The following PCDHGB5 variants were observed in gnomAD, a reference collection of about 807,000 sequenced individuals.
The protein encoded by PCDHGB5 is protocadherin gamma-B5.
PCDHGB5 carries 48 observed loss-of-function variants against 62.9 expected under a neutral mutation model. That is an observed-to-expected ratio of 0.76 (90% CI 0.61 to 0.97). PCDHGB5 has a LOEUF of 0.97. PCDHGB5 is among the 50% of genes least tolerant of loss of function. PCDHGB5 has a pLI of 0.00. For missense variants in PCDHGB5, 1,118 were observed against 1,198.6 expected (o/e 0.93, Z 0.99); for synonymous variants, 474 against 511.2 (o/e 0.93, Z 0.98).
intron 3 of PCDHGB5, among the ~76,000 whole-genome samples, chr5:141,508,616 G>T (rs1007206932): frequency 6.6e-6 from 1 of 152,114 alleles, no homozygotes; most frequent in African/African-American, 2.4e-5. Flanking sequence ...ATAGGACGTG[G>T]GTGGGCCGAG....
chr5:141,492,846 A>G (rs1404624093), intron 1 of PCDHGB5, among the ~76,000 whole-genome samples: 1 of 152,184 alleles, frequency 6.6e-6, no homozygotes, highest in African/African-American at 2.4e-5. Flanking sequence ...AGGAAGTGAA[A>G]GCCTCGAGCG....
chr5:141,476,070 C>T lies in PCDHGB5; in HGVS notation c.2398-18737C>T. ...CCCGCTGAAAGTTTCTCAGCGAAAT[C>T]TCAGGGACGATCTGGACCCCGCTGA... is the stretch of plus-strand genomic sequence containing the variant. On this transcript the variant is annotated intron_variant, in intron 1 of 3. Transcript: ENST00000617380. This position sits in a 1 kb window ranked among gnomAD's most constrained non-coding sequence, Gnocchi z 7.6. 6.6e-7 allele frequency: 1 copy of T among 1,522,382 alleles called. No individual in the cohort carries two copies. The highest frequency in any genetic ancestry group is 1.3e-5 in the South Asian group (1 of 77,762). 94.3% of individuals were successfully genotyped at this position (1,522,382 alleles called of 1,614,324 possible). A position where few individuals can be genotyped will look rare whatever the true frequency, so the allele number is the denominator to read the frequency against.
At chr5:141,481,587 G>A (rs1276529821) in intron 1 of PCDHGB5, among the ~76,000 whole-genome samples, 1 of 152,198 alleles carries the variant, frequency 6.6e-6, no homozygotes, top group African/African-American at 2.4e-5. Context: ...GGAGGCTGAG[G>A]CCAGCGGATC....
At chr5:141,423,470 A>G in intron 1 of PCDHGB5, 1 of 1,614,002 alleles carries the variant, frequency 6.2e-7, no homozygotes, top group Non-Finnish European at 8.5e-7. Context: ...GACGGGGTAC[A>G]GGCTTTCCTG....
intron 1 of PCDHGB5, chr5:141,423,848 G>A: frequency 1.6e-6 from 2 of 1,277,462 alleles, no homozygotes; most frequent in Non-Finnish European, 2.0e-6. Flanking sequence ...TAATCTTTCA[G>A]AACGTTTTTG....
At position 141,431,398 on chromosome 5, in the gene PCDHGB5, G is replaced by A. The variant is rs1052461071; in HGVS notation, c.2397+30874G>A. ...AGGCTGCTCACCACCTGGTCCTTACGGCCTCCGACGGGGGCGACCCGGTGC... is the reference window on the plus strand; with the variant it reads ...AGGCTGCTCACCACCTGGTCCTTACAGCCTCCGACGGGGGCGACCCGGTGC... On this transcript the variant is annotated intron_variant, in intron 1 of 3. Coordinates refer to ENST00000617380, the MANE Select transcript of PCDHGB5 (RefSeq NM_018925.3). This position sits in a 1 kb window ranked among gnomAD's most constrained non-coding sequence, Gnocchi z 4.8. The A allele has an allele frequency of 6.8e-6, 11 of 1,613,768 alleles. No homozygotes were observed. Among genetic ancestry groups the A allele is most frequent in the Non-Finnish European group, 9.3e-6 (11 of 1,180,036 alleles).
At chr5:141,505,935 C>T (rs2099849264) in intron 3 of PCDHGB5, among the ~76,000 whole-genome samples, 1 of 152,146 alleles carries the variant, frequency 6.6e-6, no homozygotes, top group African/African-American at 2.4e-5. Flanking sequence ...CGCTTGGAAG[C>T]CCTCAAGCAA....
chr5:141,409,156 A>G (rs771600341), intron 1 of PCDHGB5: 1 of 1,613,986 alleles, frequency 6.2e-7, no homozygotes, highest in Non-Finnish European at 8.5e-7. Flanking sequence ...ACACCATGGA[A>G]GTGGAAGCGA....
chr5:141,423,264 C>T (rs1452323474), intron 1 of PCDHGB5: 6 of 1,613,868 alleles, frequency 3.7e-6, no homozygotes, highest in Non-Finnish European at 5.1e-6. Context: ...TCGGCAGCCT[C>T]GAGTCTCTGG....
chr5:141,483,764 A>G (rs1170910094), intron 1 of PCDHGB5, among the ~76,000 whole-genome samples: 1 of 152,104 alleles, frequency 6.6e-6, no homozygotes, highest in East Asian at 1.9e-4. Context: ...AGGCTTGGAA[A>G]AATATTGGGG....
In PCDHGB5 at chr5:141,456,878, G is replaced by T. The variant is rs71583646; in HGVS notation, c.2398-37929G>T. On this transcript the variant is annotated intron_variant, in intron 1 of 3. Coordinates refer to ENST00000617380, the MANE Select transcript of PCDHGB5 (RefSeq NM_018925.3). ...ATTGGGAGGCTGAGGCAGGAGAATCGCTTGAACCCGGGAGGCAGAGGTTGC... is the reference window on the plus strand; with the variant it reads ...ATTGGGAGGCTGAGGCAGGAGAATCTCTTGAACCCGGGAGGCAGAGGTTGC... Among the ~76,000 whole-genome samples, 307 of 152,160 alleles carry T rather than the reference G, an allele frequency of 2.0e-3. 1 individual carries two copies. The highest frequency in any genetic ancestry group is 0.01 in the Middle Eastern group (3 of 294).
chr5:141,497,831 C>T (rs1336808833), intron 2 of PCDHGB5, among the ~76,000 whole-genome samples: 1 of 152,162 alleles, frequency 6.6e-6, no homozygotes, highest in Non-Finnish European at 1.5e-5. Flanking sequence ...TGATCGCCCC[C>T]GGCCACAACA....
intron 1 of PCDHGB5, chr5:141,426,876 C>G (rs796453479): frequency 2.2e-6 from 1 of 456,726 alleles, no homozygotes; most frequent in Admixed American, 2.3e-5. Flanking sequence ...GGAGAAGCCC[C>G]TGGGCCAGGA....
At chr5:141,402,859 G>A (rs1314987043) in intron 1 of PCDHGB5, 8 of 1,428,738 alleles carry the variant, frequency 5.6e-6, no homozygotes, top group Non-Finnish European at 7.4e-6. Flanking sequence ...TTCTTCTAAG[G>A]AAAAGATCAC....
rs199625514 is a variant in PCDHGB5 at position 141,485,144 on chromosome 5, G to C, written c.2398-9663G>C. The C allele has an allele frequency of 6.4e-7, 1 of 1,564,190 alleles. No homozygotes were observed. Among genetic ancestry groups the C allele is most frequent in the African/African-American group, 1.4e-5 (1 of 74,034 alleles). ...CGGGTCGGCTTCATCCGCGTCTCAG[G>C]AGCAAGTAGAGAATTAGCGGGCGGC... On this transcript the variant is annotated intron_variant, in intron 1 of 3. Coordinates refer to ENST00000617380, the MANE Select transcript of PCDHGB5 (RefSeq NM_018925.3). The surrounding 1 kb of genome is among the most constrained non-coding windows in gnomAD (Gnocchi z 5.7).
At chr5:141,413,501 G>A (rs772110374) in intron 1 of PCDHGB5, 1 of 1,614,040 alleles carries the variant, frequency 6.2e-7, no homozygotes, top group Non-Finnish European at 8.5e-7. Context: ...TGCGTGGTGA[G>A]TTTTAATATC....
chr5:141,460,142 G>A (rs932507660), intron 1 of PCDHGB5, among the ~76,000 whole-genome samples: 5 of 151,950 alleles, frequency 3.3e-5, no homozygotes, highest in African/African-American at 1.2e-4. Flanking sequence ...TATTCTTGAT[G>A]TGAGCTCTTT....
intron 1 of PCDHGB5, chr5:141,410,718 TA>T: frequency 7.1e-7 from 1 of 1,402,688 alleles, no homozygotes; most frequent in Non-Finnish European, 9.6e-7. Context: ...ATCATATGTT[TA>T]AAATCCATAG....
At position 141,511,260 on chromosome 5, in the gene PCDHGB5, G is replaced by A; in HGVS notation, c.*87G>A. 6.4e-7 allele frequency: 1 copy of A among 1,558,596 alleles called. No individual in the cohort carries two copies. Among genetic ancestry groups the A allele is most frequent in the Non-Finnish European group, 8.7e-7 (1 of 1,151,758 alleles). On this transcript the variant is annotated 3_prime_UTR_variant, in exon 4 of 4. Transcript: ENST00000617380. ...CCTGCACCCAGGCCTCAGAGTTTCA[G>A]GGCTAACCCCCAGAATACTGGTAGG...
Sources: allele counts gnomAD v4.1 joint callset (sites outside exome capture counted in the v4.1 genomes callset), GRCh38; gene constraint gnomAD v4.1.1; non-coding constraint Gnocchi (gnomAD v3.1); transcripts MANE v1.5; gene names NCBI Gene and HGNC (gene_info 2026-07-23, HGNC 2026-07-21).